GRM8: variants seen among roughly 807,000 people sequenced by gnomAD.
The protein encoded by GRM8 is metabotropic glutamate receptor 8.
Under a neutral mutation model 87.2 loss-of-function variants are expected in GRM8, and 47 were observed. The observed-to-expected ratio is 0.54, with a 90% CI of 0.43 to 0.69. The LOEUF is 0.69. GRM8 is among the 30% of genes least tolerant of loss of function. The probability of loss-of-function intolerance (pLI) is 0.00; values close to 1 mark genes in which losing one functional copy is unlikely to be tolerated. For synonymous variants in GRM8, 396 were observed against 404.5 expected, an observed-to-expected ratio of 0.98 and a Z score of 0.25; for missense variants, 1,019 against 1,139.2, an observed-to-expected ratio of 0.89 and a Z score of 1.52.
chr7:126,951,479 C>A (rs1184779561), intron 3 of GRM8, among the ~76,000 whole-genome samples: 2 of 151,888 alleles, frequency 1.3e-5, no homozygotes, highest in African/African-American at 4.8e-5. Flanking sequence ...AAATGCAATA[C>A]AAAAATAACA....
At chr7:126,610,060 G>T (rs910992722) in intron 7 of GRM8, among the ~76,000 whole-genome samples, 2 of 152,134 alleles carry the variant, frequency 1.3e-5, no homozygotes, top group Non-Finnish European at 2.9e-5. Context: ...TTGATCTATG[G>T]GAAGTCCCAA....
intron 9 of GRM8, among the ~76,000 whole-genome samples, chr7:126,461,137 A>G (rs2283062): frequency 0.28 from 42,976 of 151,268 alleles, 6,794 homozygotes; most frequent in East Asian, 0.43. Context: ...TCCTTAGGTC[A>G]TTAGCAGTCT....
intron 7 of GRM8, among the ~76,000 whole-genome samples, chr7:126,715,147 C>T (rs1811580206): frequency 6.6e-6 from 1 of 152,172 alleles, no homozygotes; most frequent in Non-Finnish European, 1.5e-5. Context: ...TCAAGGTTTA[C>T]AGTATTGCAC....
chr7:126,601,229 A>G (rs997613597), intron 8 of GRM8, among the ~76,000 whole-genome samples: 2 of 151,684 alleles, frequency 1.3e-5, no homozygotes, highest in African/African-American at 4.8e-5. Flanking sequence ...ATGATTTCCA[A>G]TTTCATCCAT....
chr7:126,524,341 A>G (rs1813502033), intron 9 of GRM8, among the ~76,000 whole-genome samples: 1 of 152,224 alleles, frequency 6.6e-6, no homozygotes, highest in Admixed American at 6.5e-5. Context: ...TTGGCTATAG[A>G]ATTTTAAGTT....
At chr7:126,494,982 T>C (rs1215670288) in intron 9 of GRM8, among the ~76,000 whole-genome samples, 2 of 152,060 alleles carry the variant, frequency 1.3e-5, no homozygotes, top group Non-Finnish European at 1.5e-5. Context: ...TAATGGACTT[T>C]ATAATACCAA....
chr7:126,843,759 T>C (rs1462648971), intron 6 of GRM8, among the ~76,000 whole-genome samples: 1 of 152,254 alleles, frequency 6.6e-6, no homozygotes. Flanking sequence ...ACAGCGCTGC[T>C]GTTTTCCTTC....
At chr7:126,524,188 T>A (rs17608393) in intron 9 of GRM8, among the ~76,000 whole-genome samples, 3,937 of 152,276 alleles carry the variant, frequency 0.026, 69 homozygotes, top group Non-Finnish European at 0.041. Flanking sequence ...TTAAAAAAAA[T>A]CCTTCTGGAT....
At chr7:126,534,970 G>A (rs1815455279) in intron 8 of GRM8, among the ~76,000 whole-genome samples, 1 of 152,130 alleles carries the variant, frequency 6.6e-6, no homozygotes, top group South Asian at 2.1e-4. Flanking sequence ...CTAGAGCAGA[G>A]CCCTGAGGAA....
chr7:126,982,106 A>G (rs1198076686), intron 3 of GRM8, among the ~76,000 whole-genome samples: 6 of 152,226 alleles, frequency 3.9e-5, no homozygotes, highest in Admixed American at 6.5e-5. Flanking sequence ...TCTGAGTCCC[A>G]AAGCTGAAGA....
intron 3 of GRM8, among the ~76,000 whole-genome samples, chr7:126,925,720 C>T (rs1442602284): frequency 6.6e-6 from 1 of 152,118 alleles, no homozygotes; most frequent in African/African-American, 2.4e-5. Context: ...TGATTTTGAA[C>T]CTAAGATGTG....
At chr7:126,790,724 T>C (rs1336016303) in intron 6 of GRM8, among the ~76,000 whole-genome samples, 5 of 152,208 alleles carry the variant, frequency 3.3e-5, no homozygotes, top group African/African-American at 7.2e-5. Flanking sequence ...GCTGCACTTA[T>C]GATAGCAGGA....
At chr7:126,687,789 T>C (rs999553727) in intron 7 of GRM8, among the ~76,000 whole-genome samples, 1 of 151,964 alleles carries the variant, frequency 6.6e-6, no homozygotes, top group Non-Finnish European at 1.5e-5. Flanking sequence ...GTCATACTTA[T>C]AGACAGATGT....
At chr7:126,448,458 A>C (rs773658448) in intron 9 of GRM8, among the ~76,000 whole-genome samples, 1 of 151,934 alleles carries the variant, frequency 6.6e-6, no homozygotes, top group Non-Finnish European at 1.5e-5. Context: ...TCTTATTTGG[A>C]ATAATTTCTG....
At chr7:127,111,560 C>T (rs1225275906) in intron 2 of GRM8, among the ~76,000 whole-genome samples, 3 of 152,174 alleles carry the variant, frequency 2.0e-5, no homozygotes, top group Non-Finnish European at 2.9e-5. Context: ...ATGCCTGGAA[C>T]TCCATTAGCC....
At chr7:127,116,408 A>G (rs1826704549) in intron 2 of GRM8, among the ~76,000 whole-genome samples, 1 of 152,224 alleles carries the variant, frequency 6.6e-6, no homozygotes, top group Non-Finnish European at 1.5e-5. Flanking sequence ...TACATGCCAG[A>G]CACGGTGACA....
chr7:127,177,537 C>A (rs1245458129), intron 2 of GRM8, among the ~76,000 whole-genome samples: 4 of 152,180 alleles, frequency 2.6e-5, no homozygotes, highest in African/African-American at 9.7e-5. Context: ...GGCAGGAGGC[C>A]AACCAGCACA....
intron 3 of GRM8, among the ~76,000 whole-genome samples, chr7:127,045,385 C>A (rs1371944637): frequency 2.6e-5 from 4 of 151,256 alleles, no homozygotes; most frequent in Non-Finnish European, 5.9e-5. Flanking sequence ...AGGATGTGGT[C>A]TAGCTTTACC....
chr7:126,689,644 G>A (rs1808592245), intron 7 of GRM8, among the ~76,000 whole-genome samples: 2 of 152,128 alleles, frequency 1.3e-5, no homozygotes, highest in South Asian at 4.1e-4. Context: ...TTCCAAAAGA[G>A]ATTTGCGGAA....
Sources: allele counts gnomAD v4.1 joint callset (sites outside exome capture counted in the v4.1 genomes callset), GRCh38; gene constraint gnomAD v4.1.1; transcripts MANE v1.5; gene names NCBI Gene and HGNC (gene_info 2026-07-23, HGNC 2026-07-21).